DPY30: variants seen among roughly 807,000 people sequenced by gnomAD.
DPY30 encodes protein dpy-30 homolog.
A neutral mutation model predicts 16.2 loss-of-function variants in DPY30; 6 were observed. The ratio of observed to expected loss-of-function variants is 0.37; its 90% CI spans 0.20 to 0.73. The LOEUF (loss-of-function observed/expected upper bound fraction) is 0.73. Among genes scored for constraint, DPY30 ranks in the 30% least tolerant of loss-of-function variants. DPY30 has a pLI of 0.51. For synonymous variants in DPY30, 39 were observed against 38.8 expected (o/e 1.00, Z -0.02); for missense variants, 73 against 113.1 (o/e 0.65, Z 1.61).
chr2:32,014,843 G>C (rs1675033340), intron 5 of DPY30, among the ~76,000 whole-genome samples: 2 of 151,758 alleles, frequency 1.3e-5, no homozygotes, highest in Non-Finnish European at 2.9e-5. Flanking sequence ...AGTATGGAAA[G>C]AGTTTCAAAA....
intron 5 of DPY30, chr2:32,013,295 C>G (rs943403829): frequency 6.6e-6 from 1 of 152,208 alleles, no homozygotes; most frequent in African/African-American, 2.4e-5. Flanking sequence ...TCAGCTTTCT[C>G]CCTATTAAAA....
chr2:32,038,135 C>CTTTTTTTTTTTTTT (rs35016868), intron 3 of DPY30, among the ~76,000 whole-genome samples: 1 of 108,058 alleles, frequency 9.3e-6, no homozygotes, highest in East Asian at 3.4e-4. Flanking sequence ...CATTTTCTTT[C>CTTTTTTTTTTTTTT]TTTTTTTTTT....
At chr2:32,027,917 C>T (rs182840643) in intron 4 of DPY30, among the ~76,000 whole-genome samples, 10 of 152,086 alleles carry the variant, frequency 6.6e-5, no homozygotes, top group Admixed American at 6.6e-4. Context: ...CGTGAGCCAC[C>T]ACGCCCGGCC....
At chr2:32,017,875 T>G (rs1490140919) in intron 5 of DPY30, among the ~76,000 whole-genome samples, 1 of 152,180 alleles carries the variant, frequency 6.6e-6, no homozygotes, top group East Asian at 1.9e-4. Context: ...GATGGCATTA[T>G]GAGTGGGGGA....
chr2:32,017,129 C>G (rs972819607), intron 5 of DPY30, among the ~76,000 whole-genome samples: 15 of 152,032 alleles, frequency 9.9e-5, no homozygotes, highest in African/African-American at 3.6e-4. Flanking sequence ...GTGATCCACC[C>G]ACCTCGGCTT....
downstream of DPY30, chr2:32,023,720 T>C: frequency 7.7e-7 from 1 of 1,304,236 alleles, no homozygotes; most frequent in Non-Finnish European, 1.0e-6. Flanking sequence ...GATCCCACCC[T>C]CAGAAAGGTC....
intron 5 of DPY30, among the ~76,000 whole-genome samples, chr2:32,016,897 T>C (rs776404975): frequency 1.3e-5 from 2 of 152,218 alleles, no homozygotes; most frequent in Non-Finnish European, 2.9e-5. Context: ...GTTGTTGTTT[T>C]TTTGAGACAG....
intron 3 of DPY30, among the ~76,000 whole-genome samples, chr2:32,031,901 A>G (rs1325841795): frequency 9.3e-5 from 14 of 150,864 alleles, no homozygotes; most frequent in Non-Finnish European, 2.1e-4. Context: ...TCAAAAAAAT[A>G]AAAAATAAAA....
chr2:32,038,167 G>A (rs577253868), intron 3 of DPY30, among the ~76,000 whole-genome samples: 4 of 131,016 alleles, frequency 3.1e-5, no homozygotes, highest in African/African-American at 8.8e-5. Flanking sequence ...ACAAAGTCTC[G>A]CTTTATCACC....
At chr2:32,038,851 T>C (rs1235537309) in intron 3 of DPY30, among the ~76,000 whole-genome samples, 4 of 152,148 alleles carry the variant, frequency 2.6e-5, no homozygotes, top group East Asian at 1.9e-4. Context: ...TTTCACCATG[T>C]TGGTCAGGCT....
intron 3 of DPY30, among the ~76,000 whole-genome samples, chr2:32,036,683 AAAAG>A: frequency 6.7e-6 from 1 of 148,922 alleles, no homozygotes; most frequent in East Asian, 2.0e-4. Flanking sequence ...AAAAAAAAAA[AAAAG>A]AAACCCAGTG....
In DPY30 at chr2:32,036,614, T is replaced by C. The variant is rs182263921; in HGVS notation, c.84+2665A>G. Among the ~76,000 whole-genome samples the C allele has an allele frequency of 5.3e-3, 781 of 146,802 alleles. 5 individuals carry two copies. The highest frequency in any genetic ancestry group is 0.018 in the African/African-American group (719 of 39,392). On this transcript the variant is annotated intron_variant, in intron 3 of 4. Coordinates refer to ENST00000342166, the MANE Select transcript of DPY30 (RefSeq NM_001321209.2). ...TGAACCCGGAAGGCGGAGCTTGCAGTGAGCCAAGATCACGCCACTGCACTC... is the reference window on the plus strand; with the variant it reads ...TGAACCCGGAAGGCGGAGCTTGCAGCGAGCCAAGATCACGCCACTGCACTC...
intron 4 of DPY30, among the ~76,000 whole-genome samples, chr2:32,026,599 T>C (rs1038995418): frequency 1.3e-5 from 2 of 152,178 alleles, no homozygotes; most frequent in African/African-American, 4.8e-5. Flanking sequence ...CAGACCAGCC[T>C]AATCAACATG....
chr2:32,026,154 T>A (rs66863308), intron 4 of DPY30, among the ~76,000 whole-genome samples: 1 of 151,758 alleles, frequency 6.6e-6, no homozygotes, highest in Non-Finnish European at 1.5e-5. Flanking sequence ...TACTGGCCAG[T>A]TGCAGTGGCT....
chr2:32,033,712 A>G (rs1346856142), intron 3 of DPY30, among the ~76,000 whole-genome samples: 1 of 152,244 alleles, frequency 6.6e-6, no homozygotes, highest in Non-Finnish European at 1.5e-5. Context: ...AGAAACTCCT[A>G]TAACTCCTGT....
At chr2:32,023,387 T>A, downstream of DPY30, 1 of 465,612 alleles carries the variant, frequency 2.1e-6, no homozygotes, top group Non-Finnish European at 4.4e-6. Flanking sequence ...CAGCAACACA[T>A]TGGTAGAACA....
rs1325948168 is a variant in DPY30 at position 32,024,083 on chromosome 2, C to T, written c.*101G>A. On this transcript the variant is annotated 3_prime_UTR_variant, in exon 5 of 5. Transcript: ENST00000342166. ...AATAGGTTCTGTTGTCCGGAAGGTT[C>T]TTATACATCCAAAAAGAGGGAATGA... 6.5e-6 allele frequency: 10 copies of T among 1,530,512 alleles called. No individual in the cohort carries two copies. The allele number at this position is 1,530,512 out of a possible 1,614,324, so 94.8% of individuals were successfully genotyped here.
intron 4 of DPY30, among the ~76,000 whole-genome samples, chr2:32,027,918 A>G (rs1259478574): frequency 6.6e-6 from 1 of 151,906 alleles, no homozygotes; most frequent in African/African-American, 2.4e-5. Context: ...GTGAGCCACC[A>G]CGCCCGGCCC....
At chr2:32,036,762 G>A (rs1193294411) in intron 3 of DPY30, among the ~76,000 whole-genome samples, 2 of 149,752 alleles carry the variant, frequency 1.3e-5, no homozygotes, top group Admixed American at 6.7e-5. Context: ...CCACCTACTC[G>A]GGAGGCTGAG....
Sources: gnomAD v4.1 joint callset for allele counts (sites outside exome capture counted in the v4.1 genomes callset) on GRCh38, gnomAD v4.1.1 for gene constraint, MANE v1.5 for transcripts, NCBI Gene and HGNC (gene_info 2026-07-23, HGNC 2026-07-21) for gene names.